The following R3HDM2 variants were observed in gnomAD, a reference collection of about 807,000 sequenced individuals.
The protein encoded by R3HDM2 is R3H domain-containing protein 2.
R3HDM2 carries 38 observed loss-of-function variants against 124.5 expected under a neutral mutation model. The observed-to-expected ratio is 0.31, with a 90% CI of 0.24 to 0.40. The LOEUF (loss-of-function observed/expected upper bound fraction) is 0.40, where lower values mean the gene tolerates loss of function less well. R3HDM2 is among the 10% of genes least tolerant of loss of function. The pLI, the probability that R3HDM2 is intolerant of heterozygous loss-of-function variation, is 1.00. For missense variants in R3HDM2, 869 were observed against 1,236.9 expected (o/e 0.70, Z 4.46); for synonymous variants, 391 against 448.0 (o/e 0.87, Z 1.61).
chr12:57,269,793 G>T lies in R3HDM2; in HGVS notation c.1546C>A (p.Gln516Lys). 2 of 1,614,190 alleles carry T rather than the reference G, an allele frequency of 1.2e-6. No homozygotes were observed. The highest frequency in any genetic ancestry group is 1.7e-6 in the Non-Finnish European group (2 of 1,180,038). Reference protein sequence around the residue: ...STSSHAPPTQQVLPPQGYMQP... With the variant: ...STSSHAPPTQKVLPPQGYMQP... ...ATGTACCCCTGGGGTGGCAGAACTTGCTGAGTAGGTGGTGCATGGCTAGAG... is the reference window on the plus strand; with the variant it reads ...ATGTACCCCTGGGGTGGCAGAACTTTCTGAGTAGGTGGTGCATGGCTAGAG... The change falls in exon 15 of 24, where the codon CAA (glutamine) becomes AAA (lysine). Residue 516 changes from glutamine (Q) to lysine (K), a missense_variant. Gln to Lys is a moderately conservative substitution (Grantham distance 53). This residue lies in a region of R3HDM2 where 602 missense variants were observed against 789.2 expected (regional missense o/e 0.76). Transcript: ENST00000402412.
intron 2 of R3HDM2, among the ~76,000 whole-genome samples, chr12:57,381,934 G>A (rs971155861): frequency 2.6e-5 from 4 of 151,496 alleles, no homozygotes; most frequent in East Asian, 3.9e-4. Flanking sequence ...CCTCCTATCA[G>A]CCTCCTGAGT....
intron 14 of R3HDM2, 54 bp from the exon 15 acceptor site, chr12:57,270,048 T>C: frequency 1.2e-6 from 2 of 1,600,084 alleles, no homozygotes; most frequent in Non-Finnish European, 1.7e-6. Flanking sequence ...CTCATGTCTT[T>C]GGCTTCAACA....
At chr12:57,305,786 TCA>T (rs1344718266) in intron 3 of R3HDM2, 8 of 394,586 alleles carry the variant, frequency 2.0e-5, no homozygotes, top group Non-Finnish European at 3.6e-5. Context: ...ACCCATAGAT[TCA>T]TACATTTACA....
At chr12:57,361,293 G>A (rs1233100313) in intron 2 of R3HDM2, among the ~76,000 whole-genome samples, 1 of 147,786 alleles carries the variant, frequency 6.8e-6, no homozygotes, top group Non-Finnish European at 1.5e-5. Flanking sequence ...GAGAATCGCT[G>A]GAACCTGTGA....
chr12:57,306,594 A>G lies in R3HDM2; in HGVS notation c.166-3377T>C, dbSNP rs539506270. ...CAGCTAATTTTTTTGTATTTTTAGT[A>G]GAGATGGGATTTCACCATGTTGGCC... On this transcript the variant is annotated intron_variant, in intron 3 of 23. Coordinates refer to ENST00000402412, the MANE Select transcript of R3HDM2 (RefSeq NM_001394031.1). 2.6e-5 allele frequency among the ~76,000 whole-genome samples: 4 copies of G among 152,154 alleles called. No homozygotes were observed. In the East Asian group the frequency reaches 7.8e-4, roughly 30 times the overall value.
In R3HDM2 at chr12:57,283,929, G is replaced by T. The variant is rs767351635; in HGVS notation, c.1066C>A (p.Pro356Thr). The change falls in exon 13 of 24, where the codon CCC (proline) becomes ACC (threonine). Residue 356 changes from proline (P) to threonine (T), a missense_variant. Around this residue, in one of 2 missense-constraint regions of R3HDM2, gnomAD observed 267 missense variants for 447.7 expected, o/e 0.60. Coordinates refer to ENST00000402412, the MANE Select transcript of R3HDM2 (RefSeq NM_001394031.1). The part of the protein sequence containing the change: ...DSDGSVRSMR[P>T]PVTKASSFSG... Reference sequence around the variant, plus strand: ...AAGCTGCTAGCTTTGGTGACAGGGGGTCGCATGCTCCGGACAGAGCCATCA... The same window carrying T: ...AAGCTGCTAGCTTTGGTGACAGGGGTTCGCATGCTCCGGACAGAGCCATCA... 1 of 1,614,052 alleles carries T rather than the reference G, an allele frequency of 6.2e-7. No individual in the cohort carries two copies. The highest frequency in any genetic ancestry group is 1.1e-5 in the South Asian group (1 of 91,078).
In R3HDM2 at chr12:57,269,851, C is replaced by A; in HGVS notation, c.1488G>T (p.Thr496=). ...AGTTGGAAGTGGGGAGGGGCTGACC[C>A]GTGGAAGCCATGATGAAGCTAGTCT... is the stretch of plus-strand genomic sequence containing the variant. The part of the protein sequence containing the change: ...PQQTSFIMAS[T]GQPLPTSNYS... Residue 496 remains threonine, a synonymous_variant, in exon 15 of 24, where the codon ACG becomes ACT. Coordinates refer to ENST00000402412, the MANE Select transcript of R3HDM2 (RefSeq NM_001394031.1). 6.2e-7 allele frequency: 1 copy of A among 1,614,016 alleles called. No homozygotes were observed. The highest frequency in any genetic ancestry group is 8.5e-7 in the Non-Finnish European group (1 of 1,180,016).
intron 21 of R3HDM2, 131 bp downstream of exon 21, chr12:57,257,859 G>T: frequency 2.0e-6 from 2 of 1,013,836 alleles, no homozygotes; most frequent in Non-Finnish European, 2.6e-6. Context: ...GATGTTAAAG[G>T]AAGAGTTAAC....
intron 2 of R3HDM2, among the ~76,000 whole-genome samples, chr12:57,313,760 C>T (rs1047016757): frequency 7.2e-6 from 1 of 139,856 alleles, no homozygotes; most frequent in Non-Finnish European, 1.6e-5. Context: ...GTGTGCCTGT[C>T]GTCCCAGCTA....
rs1566020451 is a variant in R3HDM2, at chr12:57,296,861, C to T, written c.561-310G>A. 2 of 254,116 alleles carry T rather than the reference C, an allele frequency of 7.9e-6. No individual in the cohort carries two copies. The highest frequency in any genetic ancestry group is 7.6e-6 in the Non-Finnish European group (1 of 131,750). 15.7% of individuals were successfully genotyped at this position (254,116 alleles called of 1,614,324 possible). On this transcript the variant is annotated intron_variant, in intron 8 of 23. Coordinates refer to ENST00000402412, the MANE Select transcript of R3HDM2 (RefSeq NM_001394031.1). The surrounding 1 kb of genome is among the most constrained non-coding windows in gnomAD (Gnocchi z 4.5). ...GGCGGATCAATTGAGTTCAGGAGTT[C>T]AAGACCAGCCTGGTCAACATGGTGA...
At chr12:57,371,173 C>T (rs2063335742) in intron 2 of R3HDM2, among the ~76,000 whole-genome samples, 1 of 136,504 alleles carries the variant, frequency 7.3e-6, no homozygotes, top group African/African-American at 2.8e-5. Flanking sequence ...CAAAGTTTTA[C>T]CCTCTTCAGT....
chr12:57,381,131 G>A (rs1031935424), intron 2 of R3HDM2, among the ~76,000 whole-genome samples: 22 of 152,054 alleles, frequency 1.4e-4, no homozygotes, highest in Non-Finnish European at 3.1e-4. Flanking sequence ...CTTGGGAGGC[G>A]GAGACAGGAG....
rs758111874 is a variant in R3HDM2 at position 57,330,688 on chromosome 12, GCTTTT to G, written c.-35-20230_-35-20226del. On this transcript the variant is annotated intron_variant, in intron 2 of 23. Transcript: ENST00000402412. ...AGTGATTTTTTGTGGCATCTTTAGGGCTTTTCTTTTTTTTTTTTTTTTTTTTTTGA... is the reference window on the plus strand; with the variant it reads ...AGTGATTTTTTGTGGCATCTTTAGGGCTTTTTTTTTTTTTTTTTTTTTTGA... 1.1e-4 allele frequency among the ~76,000 whole-genome samples: 13 copies of G among 119,844 alleles called. No homozygotes were observed. The East Asian group carries it at 4.2e-3, about 39-fold the overall frequency. 78.6% of individuals were successfully genotyped at this position (119,844 alleles called of 152,430 possible).
chr12:57,326,464 T>C (rs2057324387), intron 2 of R3HDM2, among the ~76,000 whole-genome samples: 1 of 152,160 alleles, frequency 6.6e-6, no homozygotes, highest in East Asian at 1.9e-4. Context: ...AGTCCCTAAT[T>C]CTCTTCAATT....
Position 57,308,542 on chromosome 12 carries a change from C to T in R3HDM2, c.165+1722G>A, listed in dbSNP as rs149653972. ...TCTACTAAAAATACAAAAAATTAGC[C>T]GGGTGTCGTGGCGGGCGCCTGTAAT... is the stretch of plus-strand genomic sequence containing the variant. On this transcript the variant is annotated intron_variant, in intron 3 of 23. Coordinates refer to ENST00000402412, the MANE Select transcript of R3HDM2 (RefSeq NM_001394031.1). Among the ~76,000 whole-genome samples, 1,032 of 151,814 alleles carry T rather than the reference C, an allele frequency of 6.8e-3. 17 individuals are homozygous for T. The East Asian group carries it at 0.071, about 10-fold the overall frequency.
chr12:57,422,933 C>T (rs939049807), intron 1 of R3HDM2, among the ~76,000 whole-genome samples: 1 of 152,036 alleles, frequency 6.6e-6, no homozygotes, highest in Non-Finnish European at 1.5e-5. Context: ...TGCCAGTTTA[C>T]TCCAGCCTGG....
intron 2 of R3HDM2, among the ~76,000 whole-genome samples, chr12:57,361,093 G>A (rs2061904425): frequency 6.7e-6 from 1 of 149,480 alleles, no homozygotes; most frequent in South Asian, 2.1e-4. Context: ...CAAAGCATAG[G>A]CTTTTCTTAC....
intron 2 of R3HDM2, among the ~76,000 whole-genome samples, chr12:57,366,570 C>G (rs1380081877): frequency 6.6e-6 from 1 of 152,180 alleles, no homozygotes; most frequent in Non-Finnish European, 1.5e-5. Context: ...TCATTACGGA[C>G]TGTGTTCTCT....
chr12:57,360,394 G>A (rs1040112133), intron 2 of R3HDM2, among the ~76,000 whole-genome samples: 1 of 151,934 alleles, frequency 6.6e-6, no homozygotes, highest in African/African-American at 2.4e-5. Context: ...CAGACAAACT[G>A]CGTACCACAG....
Sources: allele counts gnomAD v4.1 joint callset (sites outside exome capture counted in the v4.1 genomes callset), GRCh38; gene constraint gnomAD v4.1.1; regional missense constraint gnomAD v4.1.1; non-coding constraint Gnocchi (gnomAD v3.1); transcripts MANE v1.5; gene names NCBI Gene and HGNC (gene_info 2026-07-23, HGNC 2026-07-21).